The following CALN1 variants were observed in gnomAD, a reference collection of about 807,000 sequenced individuals.
CALN1 encodes the protein calcium-binding protein 8.
Under a neutral mutation model 30.6 loss-of-function variants are expected in CALN1, and 17 were observed. That is an observed-to-expected ratio of 0.56 (90% CI 0.38 to 0.83). The LOEUF (loss-of-function observed/expected upper bound fraction) is 0.83, where lower values mean the gene tolerates loss of function less well. Among genes scored for constraint, CALN1 ranks in the 40% least tolerant of loss-of-function variants. The pLI is 0.00. For missense variants in CALN1, 291 were observed against 354.9 expected (o/e 0.82, Z 1.45); for synonymous variants, 156 against 131.4 (o/e 1.19, Z -1.28).
chr7:71,985,588 T>TC (rs1419212829), intron 5 of CALN1, among the ~76,000 whole-genome samples: 1 of 138,598 alleles, frequency 7.2e-6, no homozygotes, highest in Admixed American at 7.0e-5. Flanking sequence ...AGTTTTCTTT[T>TC]TTTTTTTTTT....
intron 5 of CALN1, among the ~76,000 whole-genome samples, chr7:71,867,282 G>C (rs555453805): frequency 6.6e-6 from 1 of 152,164 alleles, no homozygotes; most frequent in East Asian, 1.9e-4. Flanking sequence ...GGAAAAAAGA[G>C]GCCAGTCACA....
At chr7:72,357,826 A>T (rs972424675) in intron 2 of CALN1, among the ~76,000 whole-genome samples, 8 of 146,876 alleles carry the variant, frequency 5.4e-5, no homozygotes, top group Admixed American at 1.4e-4. Context: ...ATTTATATAT[A>T]TTTTTATATA....
At chr7:72,334,729 G>A (rs1437632524) in intron 2 of CALN1, among the ~76,000 whole-genome samples, 1 of 152,244 alleles carries the variant, frequency 6.6e-6, no homozygotes, top group East Asian at 1.9e-4. Flanking sequence ...AGAGGATTTA[G>A]CTCTCCTCCA....
chr7:72,479,065 A>G, the CALN1 span, among the ~76,000 whole-genome samples: 2 of 151,906 alleles, frequency 1.3e-5, no homozygotes, highest in Admixed American at 1.3e-4. Context: ...TATTTTTAGT[A>G]GAGATGGGGT....
At chr7:72,090,510 G>A (rs1427102037) in intron 4 of CALN1, among the ~76,000 whole-genome samples, 1 of 152,038 alleles carries the variant, frequency 6.6e-6, no homozygotes, top group African/African-American at 2.4e-5. Flanking sequence ...TCCCATCCTA[G>A]TTGCCTTAAT....
At chr7:72,097,956 C>T (rs1444744074) in intron 4 of CALN1, among the ~76,000 whole-genome samples, 1 of 152,174 alleles carries the variant, frequency 6.6e-6, no homozygotes, top group African/African-American at 2.4e-5. Context: ...TCAAGTGATC[C>T]ACCCGCCTCG....
At chr7:72,428,460 C>T (rs1807867715) in intron 1 of CALN1, among the ~76,000 whole-genome samples, 1 of 151,072 alleles carries the variant, frequency 6.6e-6, no homozygotes, top group African/African-American at 2.4e-5. Flanking sequence ...GGCCTGATCT[C>T]AGCTCACTGC....
chr7:72,385,611 T>G (rs1414003536), intron 2 of CALN1, among the ~76,000 whole-genome samples: 1 of 152,194 alleles, frequency 6.6e-6, no homozygotes, highest in Non-Finnish European at 1.5e-5. Flanking sequence ...TTTGGCTCTG[T>G]GTCCCCACCC....
intron 3 of CALN1, among the ~76,000 whole-genome samples, chr7:72,266,149 A>C (rs1796583224): frequency 6.6e-6 from 1 of 151,920 alleles, no homozygotes; most frequent in Non-Finnish European, 1.5e-5. Flanking sequence ...GAAAAAAAAA[A>C]ACTAAACTAC....
intron 2 of CALN1, among the ~76,000 whole-genome samples, chr7:72,388,943 C>A (rs916834348): frequency 3.3e-5 from 5 of 152,198 alleles, no homozygotes; most frequent in Admixed American, 2.6e-4. Flanking sequence ...TGTGTGGCTG[C>A]AGATCGCTGG....
intron 5 of CALN1, among the ~76,000 whole-genome samples, chr7:71,814,293 G>A (rs1198678408): frequency 1.3e-5 from 2 of 152,128 alleles, no homozygotes; most frequent in Non-Finnish European, 1.5e-5. Flanking sequence ...TCAAGTGTGT[G>A]TTTGTGTCGG....
chr7:71,922,810 AAT>A (rs907583940), intron 5 of CALN1, among the ~76,000 whole-genome samples: 3 of 141,660 alleles, frequency 2.1e-5, no homozygotes, highest in South Asian at 2.1e-4. Flanking sequence ...ATTATATATA[AAT>A]ATATAATATA....
intron 5 of CALN1, among the ~76,000 whole-genome samples, chr7:71,890,671 A>T (rs1018208329): frequency 1.2e-4 from 18 of 151,516 alleles, no homozygotes; most frequent in African/African-American, 4.4e-4. Flanking sequence ...CCATGCACCT[A>T]TACCTATATA....
At chr7:71,908,446 G>A (rs750931985) in intron 5 of CALN1, among the ~76,000 whole-genome samples, 1 of 152,112 alleles carries the variant, frequency 6.6e-6, no homozygotes, top group Non-Finnish European at 1.5e-5. Flanking sequence ...AGTTAACGTC[G>A]AAAGGTTTCT....
intron 1 of CALN1, among the ~76,000 whole-genome samples, chr7:72,407,722 A>G (rs1247968988): frequency 6.6e-6 from 1 of 152,184 alleles, no homozygotes; most frequent in South Asian, 2.1e-4. Flanking sequence ...GCAGTAACAG[A>G]CTAATACACT....
intron 4 of CALN1, among the ~76,000 whole-genome samples, chr7:72,057,197 T>C (rs844761): frequency 0.012 from 1,801 of 152,166 alleles, 36 homozygotes; most frequent in African/African-American, 0.041. Flanking sequence ...TCCTCCCAGT[T>C]TGGCCTCCCA....
At chr7:72,257,442 AT>A (rs938159201) in intron 3 of CALN1, among the ~76,000 whole-genome samples, 7 of 144,334 alleles carry the variant, frequency 4.8e-5, no homozygotes, top group African/African-American at 1.9e-4. Context: ...AATGGCCACA[AT>A]TTTAAAAATA....
Position 71,980,555 on chromosome 7 carries a change from A to G in CALN1, c.501+43102T>C, listed in dbSNP as rs375180305. ...TGTTCCTCATAGGGATATAGAAATG[A>G]AATACTTTAAATGGTTCTTATCCTC... is the stretch of plus-strand genomic sequence containing the variant. On this transcript the variant is annotated intron_variant, in intron 5 of 6. Transcript: ENST00000395275. Among the ~76,000 whole-genome samples, 184 of 152,278 alleles carry G rather than the reference A, an allele frequency of 1.2e-3. 1 individual carries two copies. The highest frequency in any genetic ancestry group is 4.0e-3 in the African/African-American group (167 of 41,560).
chr7:72,234,940 T>A (rs1794376977), intron 3 of CALN1, among the ~76,000 whole-genome samples: 1 of 152,178 alleles, frequency 6.6e-6, no homozygotes, highest in African/African-American at 2.4e-5. Flanking sequence ...AACATATTGA[T>A]TAAAACTTGC....
Sources: gnomAD v4.1 joint callset for allele counts (sites outside exome capture counted in the v4.1 genomes callset) on GRCh38, gnomAD v4.1.1 for gene constraint, MANE v1.5 for transcripts, NCBI Gene and HGNC (gene_info 2026-07-23, HGNC 2026-07-21) for gene names.